Variants in RPS6KA2 observed in about 807,000 individuals in gnomAD.
RPS6KA2 encodes the protein ribosomal protein S6 kinase alpha-2.
Under a neutral mutation model 91.8 loss-of-function variants are expected in RPS6KA2, and 42 were observed. That is an observed-to-expected ratio of 0.46 (90% CI 0.36 to 0.59). RPS6KA2 has a LOEUF of 0.59. Ranked by LOEUF, RPS6KA2 falls within the 20% of genes least tolerant of loss-of-function variation. The pLI, the probability that RPS6KA2 is intolerant of heterozygous loss-of-function variation, is 0.00. For synonymous variants in RPS6KA2, 414 were observed against 393.6 expected (o/e 1.05, Z -0.61); for missense variants, 798 against 978.5 (o/e 0.82, Z 2.46).
At chr6:166,502,260 T>A (rs1049492600) in intron 6 of RPS6KA2, among the ~76,000 whole-genome samples, 25 of 152,190 alleles carry the variant, frequency 1.6e-4, no homozygotes, top group Admixed American at 1.2e-3. Flanking sequence ...GTTAAAAAAA[T>A]AACCACTATT....
At chr6:166,497,785 C>T (rs891427280) in intron 8 of RPS6KA2, among the ~76,000 whole-genome samples, 2 of 152,220 alleles carry the variant, frequency 1.3e-5, no homozygotes, top group Non-Finnish European at 2.9e-5. Context: ...AGCGGAGCAA[C>T]CTTCATCCCG....
intron 10 of RPS6KA2, among the ~76,000 whole-genome samples, chr6:166,470,738 G>T (rs1245108758): frequency 6.6e-6 from 1 of 152,226 alleles, no homozygotes; most frequent in African/African-American, 2.4e-5. Flanking sequence ...GCCCATTCAC[G>T]GAGGCACTAC....
intron 2 of RPS6KA2, among the ~76,000 whole-genome samples, chr6:166,819,083 G>C (rs796727571): frequency 6.6e-6 from 1 of 152,026 alleles, no homozygotes; most frequent in Non-Finnish European, 1.5e-5. Context: ...ACATGGACAC[G>C]CCACTCAGAA....
intron 14 of RPS6KA2, among the ~76,000 whole-genome samples, chr6:166,436,534 C>T (rs573891221): frequency 1.0e-3 from 153 of 152,298 alleles, no homozygotes; most frequent in Non-Finnish European, 1.5e-3. Flanking sequence ...TGGGGAGGTG[C>T]GCCCTGACAG....
chr6:166,717,061 T>C (rs1407173870), intron 2 of RPS6KA2, among the ~76,000 whole-genome samples: 1 of 151,768 alleles, frequency 6.6e-6, no homozygotes, highest in Non-Finnish European at 1.5e-5. Flanking sequence ...CTGGGACACA[T>C]GTGGGAGGGA....
chr6:166,597,097 C>T (rs1185273953), intron 1 of RPS6KA2, among the ~76,000 whole-genome samples: 1 of 152,144 alleles, frequency 6.6e-6, no homozygotes, highest in Non-Finnish European at 1.5e-5. Flanking sequence ...CCATGGTGTT[C>T]ACCCACGAAA....
chr6:166,571,697 T>C (rs912074632), intron 1 of RPS6KA2, among the ~76,000 whole-genome samples: 5 of 151,752 alleles, frequency 3.3e-5, no homozygotes, highest in African/African-American at 1.2e-4. Context: ...TTTTTGCCTA[T>C]CTAGTTAATT....
At chr6:166,672,724 G>A (rs866152652) in intron 2 of RPS6KA2, among the ~76,000 whole-genome samples, 2 of 152,208 alleles carry the variant, frequency 1.3e-5, no homozygotes, top group Admixed American at 1.3e-4. Context: ...CCGGCTCACC[G>A]GATGAGAGCA....
intron 2 of RPS6KA2, among the ~76,000 whole-genome samples, chr6:166,676,031 G>C (rs969527078): frequency 6.6e-6 from 1 of 152,086 alleles, no homozygotes; most frequent in African/African-American, 2.4e-5. Flanking sequence ...AAAAGTCCTG[G>C]GAGGCCGGGT....
At chr6:166,534,913 A>G (rs1783431930) in intron 2 of RPS6KA2, among the ~76,000 whole-genome samples, 1 of 152,230 alleles carries the variant, frequency 6.6e-6, no homozygotes, top group Non-Finnish European at 1.5e-5. Flanking sequence ...GCAAAAATGC[A>G]AAAATGATTT....
intron 2 of RPS6KA2, among the ~76,000 whole-genome samples, chr6:166,823,157 C>CAATG (rs1244496813): frequency 6.6e-6 from 1 of 152,180 alleles, no homozygotes; most frequent in Non-Finnish European, 1.5e-5. Context: ...TTCAAGGATG[C>CAATG]AATGAAGAAG....
intron 2 of RPS6KA2, among the ~76,000 whole-genome samples, chr6:166,778,637 G>A (rs547143540): frequency 8.5e-5 from 13 of 152,248 alleles, no homozygotes; most frequent in South Asian, 8.3e-4. Flanking sequence ...GTGGTGGCAC[G>A]CGCCTATAGT....
rs544879108 is a variant in RPS6KA2 at position 166,560,125 on chromosome 6, C to G, written c.100-21341G>C. ...ACTGTCAGGACAGTACCAGACACAG[C>G]AGACACACCAGACCACACCTACTGC... On this transcript the variant is annotated intron_variant, in intron 1 of 20. Transcript: ENST00000265678. 2.0e-5 allele frequency among the ~76,000 whole-genome samples: 3 copies of G among 152,290 alleles called. No individual in the cohort carries two copies. In the East Asian group the frequency reaches 5.8e-4, roughly 29 times the overall value.
chr6:166,783,440 C>T (rs945358139), intron 2 of RPS6KA2, among the ~76,000 whole-genome samples: 1 of 152,236 alleles, frequency 6.6e-6, no homozygotes, highest in Middle Eastern at 3.4e-3. Flanking sequence ...GCCCTGTGAA[C>T]TTGTGACTTG....
intron 2 of RPS6KA2, among the ~76,000 whole-genome samples, chr6:166,855,364 A>G (rs62436378): frequency 2.6e-3 from 197 of 75,700 alleles, no homozygotes; most frequent in African/African-American, 5.2e-3. Flanking sequence ...AAAGATGAAG[A>G]TGAAGAAGAA....
chr6:166,548,098 C>T (rs534342626), intron 1 of RPS6KA2, among the ~76,000 whole-genome samples: 106 of 152,302 alleles, frequency 7.0e-4, no homozygotes, highest in Non-Finnish European at 1.2e-3. Context: ...AGAGTGATTG[C>T]GCTTTTTCCC....
intron 2 of RPS6KA2, among the ~76,000 whole-genome samples, chr6:166,839,637 T>C (rs1353703361): frequency 9.6e-6 from 1 of 104,062 alleles, no homozygotes; most frequent in African/African-American, 3.6e-5. Context: ...GCCATCCCAA[T>C]GTAGTCACAA....
Position 166,553,884 on chromosome 6 carries a change from CCCA to C in RPS6KA2, c.100-15103_100-15101del, listed in dbSNP as rs565076968. ...CAGCTTTGGAACATTAGCGCAAATC[CCCA>C]CCGAGATTTGCATCCGTATTCTTGG... On this transcript the variant is annotated intron_variant, in intron 1 of 20. Coordinates refer to ENST00000265678, the MANE Select transcript of RPS6KA2 (RefSeq NM_021135.6). Among the ~76,000 whole-genome samples, 21 of 150,778 alleles carry C rather than the reference CCCA, an allele frequency of 1.4e-4. No individual in the cohort carries two copies. In the South Asian group the frequency reaches 4.3e-3, roughly 31 times the overall value.
At chr6:166,789,365 T>C (rs904252731) in intron 2 of RPS6KA2, among the ~76,000 whole-genome samples, 3 of 152,196 alleles carry the variant, frequency 2.0e-5, no homozygotes, top group Non-Finnish European at 4.4e-5. Context: ...GCTGGGAAGC[T>C]CGAACTGGGT....
Sources: allele counts gnomAD v4.1 joint callset (sites outside exome capture counted in the v4.1 genomes callset), GRCh38; gene constraint gnomAD v4.1.1; transcripts MANE v1.5; gene names NCBI Gene and HGNC (gene_info 2026-07-23, HGNC 2026-07-21).